CSF1R: variants seen among roughly 807,000 people sequenced by gnomAD.
CSF1R encodes the protein macrophage colony-stimulating factor 1 receptor.
Under a neutral mutation model 110.0 loss-of-function variants are expected in CSF1R, and 40 were observed. That is an observed-to-expected ratio of 0.36 (90% CI 0.28 to 0.47). The LOEUF (loss-of-function observed/expected upper bound fraction) is 0.47, where lower values mean the gene tolerates loss of function less well. CSF1R is among the 20% of genes least tolerant of loss of function. CSF1R has a pLI of 0.99. For synonymous variants in CSF1R, 523 were observed against 503.4 expected (o/e 1.04, Z -0.52); for missense variants, 1,052 against 1,253.0 (o/e 0.84, Z 2.42).
chr5:150,066,083 G>A (rs962844316), intron 10 of CSF1R, among the ~76,000 whole-genome samples: 1 of 152,156 alleles, frequency 6.6e-6, no homozygotes, highest in African/African-American at 2.4e-5. Flanking sequence ...GGTGGGCTGG[G>A]CCAAACAACC....
intron 1 of CSF1R, among the ~76,000 whole-genome samples, chr5:150,092,424 T>A (rs981854581): frequency 6.7e-6 from 1 of 148,368 alleles, no homozygotes; most frequent in Non-Finnish European, 1.5e-5. Flanking sequence ...CTAAACCCTG[T>A]ATATGCCATG....
At chr5:150,097,268 A>AGAAGGAAG (rs113029279) in intron 1 of CSF1R, among the ~76,000 whole-genome samples, 4,262 of 143,094 alleles carry the variant, frequency 0.03, 230 homozygotes, top group African/African-American at 0.1. Flanking sequence ...AGAAAGGGAA[A>AGAAGGAAG]GAAGGAAGGA....
chr5:150,087,583 C>T (rs1758892178), upstream of CSF1R, among the ~76,000 whole-genome samples: 1 of 152,128 alleles, frequency 6.6e-6, no homozygotes, highest in Non-Finnish European at 1.5e-5. Context: ...TTTATTTTTA[C>T]AAAGAATCTA....
intron 19 of CSF1R, among the ~76,000 whole-genome samples, chr5:150,055,033 G>C (rs1757139593): frequency 6.6e-6 from 1 of 151,346 alleles, no homozygotes; most frequent in South Asian, 2.1e-4. Flanking sequence ...GGTCGGTTAG[G>C]ACCAGCCCTA....
chr5:150,083,045 C>G (rs930151597), intron 1 of CSF1R, among the ~76,000 whole-genome samples: 2 of 152,102 alleles, frequency 1.3e-5, no homozygotes, highest in African/African-American at 4.8e-5. Flanking sequence ...CTATTTTGTC[C>G]TATCCTATTG....
chr5:150,097,144 C>A (rs965526903), intron 1 of CSF1R, among the ~76,000 whole-genome samples: 9 of 152,060 alleles, frequency 5.9e-5, no homozygotes, highest in Non-Finnish European at 1.3e-4. Context: ...CACCTATAGT[C>A]CTAGCTACTT....
Position 150,061,705 on chromosome 5 carries a change from G to A in CSF1R, c.1753+18C>T, listed in dbSNP as rs373040167. On this transcript the variant is annotated intron_variant, in intron 11 of 20. Transcript: ENST00000675795. ...GCCCTGTGATAGGAAGCTGTGGAGT[G>A]ATGAGCTGCCATCTCACCAAACTGC... The A allele has an allele frequency of 1.2e-6, 2 of 1,614,094 alleles. No individual in the cohort carries two copies. Among genetic ancestry groups the A allele is most frequent in the Non-Finnish European group, 1.7e-6 (2 of 1,180,046 alleles).
In CSF1R at chr5:150,078,174, C is replaced by T. The variant is rs759467764; in HGVS notation, c.667G>A (p.Val223Met). 7.4e-6 allele frequency: 12 copies of T among 1,614,028 alleles called. No individual in the cohort carries two copies. The highest frequency in any genetic ancestry group is 4.5e-5 in the East Asian group (2 of 44,884). ...VRIRGEAAQI[V>M]CSASSVDVNF... is the part of the protein sequence containing the mutation. ...ACATCAACGCTGCTGGCTGAGCACA[C>T]GATCTGGGCAGCCTCCCCTCGAATC... Residue 223 changes from valine (V) to methionine (M), a missense_variant, in exon 4 of 21, where the codon GTG becomes ATG. Around this residue, in one of 5 missense-constraint regions of CSF1R, gnomAD observed 693 missense variants for 735.4 expected, o/e 0.94. Coordinates refer to ENST00000675795, the MANE Select transcript of CSF1R (RefSeq NM_001288705.3).
chr5:150,089,549 G>T (rs1433269725), upstream of CSF1R, among the ~76,000 whole-genome samples: 1 of 152,140 alleles, frequency 6.6e-6, no homozygotes, highest in African/African-American at 2.4e-5. Context: ...AAATTTAGAA[G>T]ACCTTAATAA....
In CSF1R at chr5:150,068,314, G is replaced by T; in HGVS notation, c.1527C>A (p.Pro509=). Residue 509 remains proline (P), a synonymous_variant, in exon 10 of 21, where the codon CCC becomes CCA. Coordinates refer to ENST00000675795, the MANE Select transcript of CSF1R (RefSeq NM_001288705.3). ...IPISAGAHTH[P]PDEFLFTPVV... Reference sequence around the variant, plus strand: ...CTGGTGTGAAGAGGAACTCATCCGGGGGATGCGTGTGGGCTCCTGGAAGGC... The same window carrying T: ...CTGGTGTGAAGAGGAACTCATCCGGTGGATGCGTGTGGGCTCCTGGAAGGC... 1 of 1,612,612 alleles carries T rather than the reference G, an allele frequency of 6.2e-7. No homozygotes were observed. Among genetic ancestry groups the T allele is most frequent in the Non-Finnish European group, 8.5e-7 (1 of 1,179,672 alleles).
Position 150,095,763 on chromosome 5 carries a change from GAAA to G in CSF1R, c.-180-9159_-180-9157del, listed in dbSNP as rs57813822. On this transcript the variant is annotated intron_variant, in intron 1 of 21. Coordinates refer to the CSF1R transcript ENST00000286301. ...AAAAAAAAGTAATAACATTTACCGA[GAAA>G]AAAAAAAAAAAAACAAGAAAAACAC... Among the ~76,000 whole-genome samples the G allele has an allele frequency of 7.0e-3, 850 of 121,844 alleles. 4 individuals carry two copies. The highest frequency in any genetic ancestry group is 0.018 in the African/African-American group (602 of 33,164). The allele number at this position is 121,844 out of a possible 152,430, so 79.9% of individuals were successfully genotyped here.
intron 1 of CSF1R, among the ~76,000 whole-genome samples, chr5:150,096,298 G>T (rs1759220236): frequency 6.6e-6 from 1 of 152,224 alleles, no homozygotes; most frequent in Non-Finnish European, 1.5e-5. Context: ...GCTGAGGTAG[G>T]AGAATTGCTT....
intron 1 of CSF1R, among the ~76,000 whole-genome samples, chr5:150,086,176 G>C (rs183257781): frequency 2.9e-4 from 44 of 152,268 alleles, no homozygotes; most frequent in Non-Finnish European, 5.6e-4. Flanking sequence ...CAGATCCACA[G>C]CACCAGGTGG....
At chr5:150,085,287 A>AAAAAAAAAAAAAAAAAAC (rs1284541756) in intron 1 of CSF1R, among the ~76,000 whole-genome samples, 1 of 142,300 alleles carries the variant, frequency 7.0e-6, no homozygotes, top group South Asian at 2.4e-4. Flanking sequence ...GAAAAAAAAA[A>AAAAAAAAAAAAAAAAAAC]AAAAAACCCA....
intron 1 of CSF1R, chr5:150,094,804 C>T (rs1035202023): frequency 2.6e-5 from 37 of 1,442,570 alleles, no homozygotes; most frequent in Non-Finnish European, 3.0e-5. Flanking sequence ...AAGCGAATTG[C>T]TTTGACAGAT....
chr5:150,053,964 T>G lies in CSF1R; in HGVS notation c.*105A>C. On this transcript the variant is annotated 3_prime_UTR_variant, in exon 21 of 21. Transcript: ENST00000675795. ...TTCAGAGCTGGGCCGAGCTGTTGAGTGAAATGACCGAAGGCAGAGTTTGTA... is the reference window on the plus strand; with the variant it reads ...TTCAGAGCTGGGCCGAGCTGTTGAGGGAAATGACCGAAGGCAGAGTTTGTA... 3 of 1,190,504 alleles carry G rather than the reference T, an allele frequency of 2.5e-6. No individual in the cohort carries two copies. The highest frequency in any genetic ancestry group is 3.6e-6 in the Non-Finnish European group (3 of 830,964). The allele number at this position is 1,190,504 out of a possible 1,614,324, so 73.7% of individuals were successfully genotyped here.
chr5:150,068,221 A>G lies in CSF1R; in HGVS notation c.1620T>C (p.Tyr540=). The change falls in exon 10 of 21, where the codon TAT becomes TAC. Residue 540 remains tyrosine (Y), a synonymous_variant. Coordinates refer to ENST00000675795, the MANE Select transcript of CSF1R (RefSeq NM_001288705.3). ...CCACTCCGCTCCGGCTCACCTGCTT[A>G]TACTTGTACAATAGCAGCAGGAGCA... ...LLLLLLLLYK[Y]KQKPKYQVRW... The G allele has an allele frequency of 6.2e-7, 1 of 1,610,854 alleles. No individual in the cohort carries two copies. The highest frequency in any genetic ancestry group is 8.5e-7 in the Non-Finnish European group (1 of 1,179,560).
At chr5:150,108,074 G>C (rs1172207155) in intron 1 of CSF1R, among the ~76,000 whole-genome samples, 1 of 152,196 alleles carries the variant, frequency 6.6e-6, no homozygotes, top group African/African-American at 2.4e-5. Context: ...GGAGTTGGGG[G>C]AGAGATACAG....
chr5:150,092,038 GA>G (rs1464332817), intron 1 of CSF1R, among the ~76,000 whole-genome samples: 1 of 152,150 alleles, frequency 6.6e-6, no homozygotes, highest in African/African-American at 2.4e-5. Flanking sequence ...AACAGACATT[GA>G]AAAATTTTTT....
Sources: gnomAD v4.1 joint callset for allele counts (sites outside exome capture counted in the v4.1 genomes callset) on GRCh38, gnomAD v4.1.1 for gene constraint, gnomAD v4.1.1 regional missense constraint, MANE v1.5 for transcripts, NCBI Gene and HGNC (gene_info 2026-07-23, HGNC 2026-07-21) for gene names.